Variants in GALNT17 observed in about 807,000 individuals in gnomAD.
GALNT17 encodes the protein UDP-GalNAc:polypeptide N-acetylgalactosaminyltransferase-like 3.
Under a neutral mutation model 63.7 loss-of-function variants are expected in GALNT17, and 29 were observed. The observed-to-expected ratio is 0.46, with a 90% confidence interval of 0.34 to 0.62. The LOEUF is 0.62. GALNT17 is among the 20% of genes least tolerant of loss of function. The pLI, the probability that GALNT17 is intolerant of heterozygous loss-of-function variation, is 0.01. For synonymous variants in GALNT17, 305 were observed against 318.3 expected, an observed-to-expected ratio of 0.96 and a Z score of 0.45; for missense variants, 603 against 799.6, an observed-to-expected ratio of 0.75 and a Z score of 2.97.
At chr7:71,400,095 C>T (rs1013361158) in intron 3 of GALNT17, among the ~76,000 whole-genome samples, 1 of 152,122 alleles carries the variant, frequency 6.6e-6, no homozygotes, top group African/African-American at 2.4e-5. Context: ...AGTCCATCAT[C>T]TAGGTTTCAA....
chr7:71,371,621 A>G (rs1203172592), intron 2 of GALNT17, among the ~76,000 whole-genome samples: 1 of 152,206 alleles, frequency 6.6e-6, no homozygotes, highest in Non-Finnish European at 1.5e-5. Context: ...GTTTTCGGCT[A>G]TTATTAAACT....
intron 5 of GALNT17, among the ~76,000 whole-genome samples, chr7:71,537,929 C>T (rs150964626): frequency 6.6e-6 from 1 of 152,122 alleles, no homozygotes; most frequent in African/African-American, 2.4e-5. Flanking sequence ...CAAGGAATTC[C>T]TGTGGCCACC....
chr7:71,440,243 T>A (rs1167040180), intron 5 of GALNT17, among the ~76,000 whole-genome samples: 1 of 152,114 alleles, frequency 6.6e-6, no homozygotes, highest in Non-Finnish European at 1.5e-5. Flanking sequence ...CACTGTATCC[T>A]GAAAGGCTGA....
chr7:71,631,893 A>G (rs1158358054), intron 6 of GALNT17, among the ~76,000 whole-genome samples: 1 of 151,932 alleles, frequency 6.6e-6, no homozygotes, highest in Non-Finnish European at 1.5e-5. Context: ...TGAATGGGTT[A>G]ACTCGCCCAG....
At chr7:71,289,541 G>A (rs980177105) in intron 1 of GALNT17, among the ~76,000 whole-genome samples, 5 of 151,798 alleles carry the variant, frequency 3.3e-5, no homozygotes, top group African/African-American at 1.2e-4. Flanking sequence ...TTTGAGACCA[G>A]CCTGGCCAAC....
chr7:71,183,967 C>G (rs544363980), intron 1 of GALNT17, among the ~76,000 whole-genome samples: 1 of 152,068 alleles, frequency 6.6e-6, no homozygotes, highest in Non-Finnish European at 1.5e-5. Context: ...AGTTACAGAC[C>G]GAATTGTCTC....
At chr7:71,664,824 A>G (rs1790959598) in intron 6 of GALNT17, among the ~76,000 whole-genome samples, 1 of 152,168 alleles carries the variant, frequency 6.6e-6, no homozygotes, top group African/African-American at 2.4e-5. Flanking sequence ...GCTTAGGTTT[A>G]TGGGCCTTTC....
chr7:71,634,708 GGTA>G (rs1184440791), intron 6 of GALNT17, among the ~76,000 whole-genome samples: 2 of 145,164 alleles, frequency 1.4e-5, no homozygotes, highest in South Asian at 2.2e-4. Flanking sequence ...GAGCCGAGAT[GGTA>G]CTACTGCACT....
chr7:71,276,121 G>A (rs1401323137), intron 1 of GALNT17, among the ~76,000 whole-genome samples: 2 of 152,168 alleles, frequency 1.3e-5, no homozygotes, highest in African/African-American at 4.8e-5. Context: ...TGTTTTGTTG[G>A]CTGCGGCCTC....
chr7:71,200,843 C>T (rs1380438377), intron 1 of GALNT17, among the ~76,000 whole-genome samples: 1 of 151,654 alleles, frequency 6.6e-6, no homozygotes, highest in Non-Finnish European at 1.5e-5. Context: ...TGTTTCTATA[C>T]CTAGCATCTA....
At chr7:71,480,800 C>A (rs1256028920) in intron 5 of GALNT17, among the ~76,000 whole-genome samples, 1 of 152,240 alleles carries the variant, frequency 6.6e-6, no homozygotes, top group African/African-American at 2.4e-5. Context: ...AGCCACCATG[C>A]CCAGCTAAAG....
chr7:71,346,226 A>G (rs1190670589), intron 2 of GALNT17, among the ~76,000 whole-genome samples: 2 of 151,378 alleles, frequency 1.3e-5, no homozygotes, highest in Non-Finnish European at 2.9e-5. Flanking sequence ...ATATTTATAT[A>G]TTATACTTAC....
chr7:71,185,582 A>G (rs890752743), intron 1 of GALNT17, among the ~76,000 whole-genome samples: 1 of 134,460 alleles, frequency 7.4e-6, no homozygotes, highest in African/African-American at 2.9e-5. Context: ...GAGTTGGCTC[A>G]CTGCAAGCTC....
At chr7:71,691,980 GA>G (rs1192681359) in intron 9 of GALNT17, among the ~76,000 whole-genome samples, 6 of 151,176 alleles carry the variant, frequency 4.0e-5, no homozygotes, top group African/African-American at 1.5e-4. Flanking sequence ...GCCATAATCA[GA>G]GCTCACTGTA....
At position 71,156,477 on chromosome 7, in the gene GALNT17, T is replaced by G. The variant is rs575944530; in HGVS notation, c.238+23437T>G. On this transcript the variant is annotated intron_variant, in intron 1 of 10. Transcript: ENST00000333538. ...TGAGCCATTGAGATGGTTGATGCCCTGCCCTGCCTTTCCTTTCCCTTCCTT... is the reference window on the plus strand; with the variant it reads ...TGAGCCATTGAGATGGTTGATGCCCGGCCCTGCCTTTCCTTTCCCTTCCTT... Among the ~76,000 whole-genome samples the G allele has an allele frequency of 2.3e-4, 35 of 151,954 alleles. 1 individual carries two copies. Among genetic ancestry groups the G allele is most frequent in the African/African-American group, 7.8e-4 (32 of 41,256 alleles).
chr7:71,155,147 C>T (rs996901568), intron 1 of GALNT17, among the ~76,000 whole-genome samples: 2 of 151,794 alleles, frequency 1.3e-5, no homozygotes, highest in African/African-American at 2.4e-5. Context: ...TGGCTCCCTC[C>T]CCGTGGACGA....
chr7:71,554,175 A>G (rs1268257151), intron 5 of GALNT17, among the ~76,000 whole-genome samples: 1 of 152,178 alleles, frequency 6.6e-6, no homozygotes, highest in Non-Finnish European at 1.5e-5. Context: ...GTCCCCACCC[A>G]AATCTCATCT....
rs531728602 is a variant in GALNT17 at position 71,587,457 on chromosome 7, T to C, written c.1080+16055T>C. Among the ~76,000 whole-genome samples, 4 of 152,306 alleles carry C rather than the reference T, an allele frequency of 2.6e-5. No homozygotes were observed. The East Asian group carries it at 7.7e-4, about 29-fold the overall frequency. On this transcript the variant is annotated intron_variant, in intron 6 of 10. Coordinates refer to ENST00000333538, the MANE Select transcript of GALNT17 (RefSeq NM_022479.3). ...TCCTTTTGCCCATTTTTAAACATCA[T>C]GTTTTTTCATTTTGTTGTTGATTTC...
chr7:71,245,498 T>A (rs1562944010), intron 1 of GALNT17, among the ~76,000 whole-genome samples: 1 of 152,078 alleles, frequency 6.6e-6, no homozygotes, highest in Non-Finnish European at 1.5e-5. Flanking sequence ...GGTGGAAAAT[T>A]TGGCCATGTC....
Sources: allele counts gnomAD v4.1 joint callset (sites outside exome capture counted in the v4.1 genomes callset), GRCh38; gene constraint gnomAD v4.1.1; transcripts MANE v1.5; gene names NCBI Gene and HGNC (gene_info 2026-07-23, HGNC 2026-07-21).